EXOC6: variants seen among roughly 807,000 people sequenced by gnomAD.
The protein encoded by EXOC6 is exocyst complex component 6.
A neutral mutation model predicts 112.5 loss-of-function variants in EXOC6; 60 were observed. That is an observed-to-expected ratio of 0.53 (90% CI 0.43 to 0.66). The LOEUF (loss-of-function observed/expected upper bound fraction) is 0.66, where lower values mean the gene tolerates loss of function less well. Among genes scored for constraint, EXOC6 ranks in the 30% least tolerant of loss-of-function variants. EXOC6 has a pLI of 0.00. For missense variants in EXOC6, 855 were observed against 957.1 expected (o/e 0.89, Z 1.41); for synonymous variants, 295 against 308.0 (o/e 0.96, Z 0.44).
chr10:93,051,436 T>C (rs1226396181), intron 20 of EXOC6, among the ~76,000 whole-genome samples: 1 of 152,170 alleles, frequency 6.6e-6, no homozygotes, highest in Non-Finnish European at 1.5e-5. Flanking sequence ...ATCCAGAAGG[T>C]AGCATGAAGG....
chr10:92,959,800 A>G (rs1441319900), intron 17 of EXOC6, among the ~76,000 whole-genome samples: 1 of 152,234 alleles, frequency 6.6e-6, no homozygotes, highest in African/African-American at 2.4e-5. Context: ...AAATTAAAAC[A>G]ACAGTGAGAT....
At chr10:92,896,221 G>A (rs1484014767) in intron 4 of EXOC6, among the ~76,000 whole-genome samples, 1 of 77,562 alleles carries the variant, frequency 1.3e-5, no homozygotes, top group Non-Finnish European at 2.3e-5. Flanking sequence ...TTTTTTTGGC[G>A]GAGTCTCACT....
chr10:92,844,312 G>A (rs1163296168), upstream of EXOC6, among the ~76,000 whole-genome samples: 1 of 152,210 alleles, frequency 6.6e-6, no homozygotes, highest in Non-Finnish European at 1.5e-5. Context: ...CCCTGTGCCT[G>A]ATGTAGGAGC....
chr10:92,873,022 A>C (rs1426501147), intron 1 of EXOC6, among the ~76,000 whole-genome samples: 1 of 152,198 alleles, frequency 6.6e-6, no homozygotes, highest in Admixed American at 6.5e-5. Context: ...CTATATTTGC[A>C]TTCATTAATC....
At chr10:93,051,581 T>C (rs1038802581) in intron 20 of EXOC6, among the ~76,000 whole-genome samples, 4 of 152,214 alleles carry the variant, frequency 2.6e-5, no homozygotes, top group African/African-American at 9.6e-5. Context: ...GTTTTCCAAA[T>C]GTGGTGTTTT....
upstream of EXOC6, among the ~76,000 whole-genome samples, chr10:92,832,284 T>C (rs574442956): frequency 2.0e-5 from 3 of 152,304 alleles, no homozygotes; most frequent in Admixed American, 6.5e-5. Flanking sequence ...AGGTGTATAC[T>C]CTTTTTTTTT....
chr10:92,939,098 A>T (rs1852515822), intron 12 of EXOC6, among the ~76,000 whole-genome samples: 1 of 152,072 alleles, frequency 6.6e-6, no homozygotes, highest in South Asian at 2.1e-4. Context: ...GATTAAACTG[A>T]TGAGGTGGTT....
chr10:92,984,228 T>A (rs1842922133), intron 18 of EXOC6, among the ~76,000 whole-genome samples: 2 of 152,338 alleles, frequency 1.3e-5, no homozygotes, highest in African/African-American at 2.4e-5. Flanking sequence ...TTTTTTAAAA[T>A]TATACTCCAT....
chr10:93,034,418 C>T (rs1399779477), intron 20 of EXOC6, among the ~76,000 whole-genome samples: 1 of 152,174 alleles, frequency 6.6e-6, no homozygotes, highest in African/African-American at 2.4e-5. Context: ...CTGATAATCT[C>T]TCTCTACCAT....
intron 20 of EXOC6, among the ~76,000 whole-genome samples, chr10:93,029,240 ATAGAC>A (rs1845163640): frequency 6.6e-6 from 1 of 152,220 alleles, no homozygotes; most frequent in African/African-American, 2.4e-5. Flanking sequence ...TGCACACTTA[ATAGAC>A]TATAGTGTAA....
chr10:92,848,442 C>CCCCCCCCCCCCCA, upstream of EXOC6: 3 of 880,124 alleles, frequency 3.4e-6, no homozygotes, highest in Non-Finnish European at 4.2e-6. Flanking sequence ...CGCCCCGCCC[C>CCCCCCCCCCCCCA]CGCCCCGCCC....
intron 4 of EXOC6, among the ~76,000 whole-genome samples, chr10:92,896,171 ATATATATATATTTTTTTTTTTTTTT>A (rs1589785172): frequency 2.8e-4 from 7 of 25,218 alleles, no homozygotes; most frequent in East Asian, 2.3e-3. Flanking sequence ...ATATATATAT[ATATATATATATTTTTTTTTTTTTTT>A]TTTTTTTTTT....
intron 1 of EXOC6, among the ~76,000 whole-genome samples, chr10:92,871,561 C>T (rs929339830): frequency 6.7e-6 from 1 of 150,262 alleles, no homozygotes; most frequent in African/African-American, 2.5e-5. Flanking sequence ...AATCCCAGCA[C>T]TTTGGGAGGC....
intron 18 of EXOC6, among the ~76,000 whole-genome samples, chr10:92,991,533 G>T (rs1044846736): frequency 5.9e-5 from 9 of 151,918 alleles, no homozygotes; most frequent in Non-Finnish European, 1.5e-5. Flanking sequence ...TAAAAATTTG[G>T]ATACTGCATG....
At chr10:92,851,673 C>CA (rs796095864) in intron 1 of EXOC6, among the ~76,000 whole-genome samples, 2,320 of 143,090 alleles carry the variant, frequency 0.016, 56 homozygotes, top group African/African-American at 0.055. Context: ...CAAAAACAAA[C>CA]AAAAAAAAAA....
chr10:92,878,851 T>C (rs1041730073), intron 1 of EXOC6, among the ~76,000 whole-genome samples: 14 of 152,174 alleles, frequency 9.2e-5, no homozygotes, highest in African/African-American at 3.4e-4. Flanking sequence ...AAGTTGAGAT[T>C]TTTAAGAACT....
chr10:93,050,145 G>A (rs1846212868), intron 20 of EXOC6, among the ~76,000 whole-genome samples: 1 of 152,170 alleles, frequency 6.6e-6, no homozygotes, highest in Non-Finnish European at 1.5e-5. Flanking sequence ...TACCCAAGAA[G>A]AGAGCTGGTA....
intron 17 of EXOC6, among the ~76,000 whole-genome samples, chr10:92,973,635 A>G (rs888769135): frequency 6.6e-5 from 10 of 152,210 alleles, no homozygotes; most frequent in Non-Finnish European, 2.9e-5. Context: ...AACTCAAAGC[A>G]CTGGCAGATA....
chr10:92,979,179 C>T (rs1969904), intron 18 of EXOC6, among the ~76,000 whole-genome samples: 46,550 of 151,740 alleles, frequency 0.31, 7,830 homozygotes, highest in East Asian at 0.73. Flanking sequence ...CCCTTCCCCT[C>T]CGGTGAAGTC....
Sources: gnomAD v4.1 joint callset for allele counts (sites outside exome capture counted in the v4.1 genomes callset) on GRCh38, gnomAD v4.1.1 for gene constraint, MANE v1.5 for transcripts, NCBI Gene and HGNC (gene_info 2026-07-23, HGNC 2026-07-21) for gene names.